The following ZDHHC11B variants were observed in gnomAD, a reference collection of about 807,000 sequenced individuals.
The protein encoded by ZDHHC11B is zDHHC palmitoyltransferase 11B (putative).
ZDHHC11B carries 17 observed loss-of-function variants against 42.3 expected under a neutral mutation model. The ratio of observed to expected loss-of-function variants is 0.40; its 90% CI spans 0.27 to 0.60. The LOEUF is 0.60. Ranked by LOEUF, ZDHHC11B falls within the 20% of genes least tolerant of loss-of-function variation. The pLI is 0.41. For missense variants in ZDHHC11B, 262 were observed against 463.2 expected (o/e 0.57, Z 3.99); for synonymous variants, 123 against 193.5 (o/e 0.64, Z 3.02).
chr5:728,075 A>G (rs1453475492), intron 12 of ZDHHC11B, among the ~76,000 whole-genome samples: 2 of 151,386 alleles, frequency 1.3e-5, no homozygotes, highest in Non-Finnish European at 2.9e-5. Flanking sequence ...TCGACAATAC[A>G]AACAACTCCA....
chr5:765,619 A>T (rs12515020), intron 4 of ZDHHC11B, among the ~76,000 whole-genome samples: 7,421 of 147,924 alleles, frequency 0.05, 23 homozygotes, highest in East Asian at 0.13. Flanking sequence ...TCTCTTCCAC[A>T]TTGTGGAAGT....
intron 3 of ZDHHC11B, 103 bp downstream of exon 3, chr5:767,289 G>T (rs1447027855): frequency 2.3e-6 from 3 of 1,331,752 alleles, no homozygotes; most frequent in East Asian, 4.6e-5. Flanking sequence ...ACGGCTGCGG[G>T]ATGGCCCTCT....
intron 6 of ZDHHC11B, 140 bp from the exon 7 acceptor site, chr5:751,397 C>T: frequency 7.3e-6 from 1 of 137,122 alleles, no homozygotes; most frequent in East Asian, 2.1e-4. Context: ...CGGCAGGGGG[C>T]ACGCAAGGGC....
chr5:739,762 C>T (rs1208369660), intron 10 of ZDHHC11B, among the ~76,000 whole-genome samples: 4 of 145,010 alleles, frequency 2.8e-5, no homozygotes, highest in African/African-American at 9.8e-5. Context: ...AATCCCACTA[C>T]TGGCTATCTA....
chr5:746,420 G>C (rs763219874), intron 8 of ZDHHC11B, among the ~76,000 whole-genome samples: 5 of 138,418 alleles, frequency 3.6e-5, no homozygotes, highest in Non-Finnish European at 6.4e-5. Context: ...TCTGGGTCAC[G>C]GGGGTGGGGA....
intron 4 of ZDHHC11B, among the ~76,000 whole-genome samples, chr5:758,073 T>G (rs984148633): frequency 6.6e-5 from 10 of 151,834 alleles, no homozygotes; most frequent in African/African-American, 2.4e-4. Flanking sequence ...CGAGCCTGCA[T>G]CCCGGCTGTT....
chr5:736,083 T>C (rs1342435434), intron 10 of ZDHHC11B, among the ~76,000 whole-genome samples: 1 of 149,238 alleles, frequency 6.7e-6, no homozygotes, highest in Non-Finnish European at 1.5e-5. Flanking sequence ...ACACACCTAA[T>C]GTATAAGGAC....
intron 1 of ZDHHC11B, among the ~76,000 whole-genome samples, chr5:783,897 C>G (rs1005505772): frequency 2.0e-5 from 3 of 148,902 alleles, no homozygotes; most frequent in African/African-American, 7.4e-5. Context: ...AAACGCTTAT[C>G]AAAACAGCAG....
Position 746,321 on chromosome 5 carries a change from C to T in ZDHHC11B, c.785-1023G>A, listed in dbSNP as rs449172. ...GGAGCTGCCTGTGGCCAGCCCAGCC[C>T]TCACAGGATGCGTCTCACCACAGCC... On this transcript the variant is annotated intron_variant, in intron 8 of 13. Coordinates refer to ENST00000508859, the MANE Select transcript of ZDHHC11B (RefSeq NM_001351303.2). Among the ~76,000 whole-genome samples, 151 of 147,484 alleles carry T rather than the reference C, an allele frequency of 1.0e-3. 4 individuals carry two copies. The highest frequency in any genetic ancestry group is 3.4e-3 in the Middle Eastern group (1 of 292).
In ZDHHC11B at chr5:737,906, C is replaced by T. The variant is rs940745636; in HGVS notation, c.935+3688G>A. ...AGAACTGGAATAAGACAAGGATGCC[C>T]ACTTTCACCACTTCCTTTCGACACA... On this transcript the variant is annotated intron_variant, in intron 10 of 13. Transcript: ENST00000508859. 3.7e-5 allele frequency among the ~76,000 whole-genome samples: 5 copies of T among 134,712 alleles called. 1 individual carries two copies. The highest frequency in any genetic ancestry group is 1.4e-4 in the African/African-American group (5 of 35,776). The allele number at this position is 134,712 out of a possible 152,430, so 88.4% of individuals were successfully genotyped here. A position where few individuals can be genotyped will look rare whatever the true frequency, so the allele number is the denominator to read the frequency against.
chr5:732,345 T>C (rs572414124), intron 11 of ZDHHC11B: 1 of 230,484 alleles, frequency 4.3e-6, no homozygotes, highest in South Asian at 6.0e-5. Context: ...CATCCACACA[T>C]AGATGCTGCA....
At chr5:712,867 C>T (rs1404623499) in intron 13 of ZDHHC11B, among the ~76,000 whole-genome samples, 1 of 151,310 alleles carries the variant, frequency 6.6e-6, no homozygotes, top group Non-Finnish European at 1.5e-5. Context: ...CAAGATTGGG[C>T]CACTGCACTC....
intron 4 of ZDHHC11B, among the ~76,000 whole-genome samples, chr5:758,875 T>C (rs1189303397): frequency 1.5e-4 from 23 of 151,946 alleles, no homozygotes; most frequent in African/African-American, 5.1e-4. Flanking sequence ...CCGTCACCCA[T>C]AGGAACGATG....
At chr5:712,962 A>G (rs1325094818) in intron 13 of ZDHHC11B, among the ~76,000 whole-genome samples, 1 of 150,226 alleles carries the variant, frequency 6.7e-6, no homozygotes, top group Non-Finnish European at 1.5e-5. Context: ...TACGGCATTT[A>G]TCAATTGAAT....
intron 12 of ZDHHC11B, 52 bp from the exon 13 acceptor site, chr5:716,917 T>C: frequency 3.7e-6 from 6 of 1,611,032 alleles, no homozygotes; most frequent in Non-Finnish European, 5.1e-6. Context: ...GATGTAATAC[T>C]TGTTATACTG....
At chr5:778,069 G>A (rs934099481) in intron 1 of ZDHHC11B, among the ~76,000 whole-genome samples, 9 of 151,944 alleles carry the variant, frequency 5.9e-5, no homozygotes, top group African/African-American at 2.2e-4. Flanking sequence ...AGGACAGAGG[G>A]GCAAGGGGGC....
chr5:769,700 G>A (rs1735819155), intron 1 of ZDHHC11B, among the ~76,000 whole-genome samples: 1 of 151,970 alleles, frequency 6.6e-6, no homozygotes, highest in African/African-American at 2.4e-5. Flanking sequence ...CCCCTGACGG[G>A]CTGGACAGGC....
At chr5:759,335 A>C (rs552761055) in intron 4 of ZDHHC11B, among the ~76,000 whole-genome samples, 1 of 152,014 alleles carries the variant, frequency 6.6e-6, no homozygotes, top group East Asian at 1.9e-4. Flanking sequence ...GTGGAGAGCG[A>C]GCCCACAGCC....
At chr5:742,853 T>C (rs1162658793) in intron 9 of ZDHHC11B, among the ~76,000 whole-genome samples, 79 of 149,064 alleles carry the variant, frequency 5.3e-4, no homozygotes, top group African/African-American at 1.9e-3. Flanking sequence ...CAAACTATGA[T>C]TTTTTTCTTT....
Sources: gnomAD v4.1 joint callset for allele counts (sites outside exome capture counted in the v4.1 genomes callset) on GRCh38, gnomAD v4.1.1 for gene constraint, MANE v1.5 for transcripts, NCBI Gene and HGNC (gene_info 2026-07-23, HGNC 2026-07-21) for gene names.